Variants in PPP6C observed in about 807,000 individuals in gnomAD.
PPP6C encodes the protein serine/threonine-protein phosphatase 6 catalytic subunit.
Under a neutral mutation model 39.8 loss-of-function variants are expected in PPP6C, and 11 were observed. The observed-to-expected ratio is 0.28, with a 90% CI of 0.17 to 0.46. The LOEUF (loss-of-function observed/expected upper bound fraction) is 0.46. Ranked by LOEUF, PPP6C falls within the 20% of genes least tolerant of loss-of-function variation. PPP6C has a pLI of 1.00. For synonymous variants in PPP6C, 129 were observed against 130.3 expected (o/e 0.99, Z 0.07); for missense variants, 211 against 373.9 (o/e 0.56, Z 3.59).
intron 2 of PPP6C, among the ~76,000 whole-genome samples, chr9:125,161,867 C>T (rs1371991993): frequency 1.3e-5 from 2 of 152,076 alleles, no homozygotes; most frequent in East Asian, 1.9e-4. Context: ...GGAAGAAAAA[C>T]GATTTTGGAT....
chr9:125,188,822 A>AATTT (rs1829591785), intron 1 of PPP6C: 2 of 475,872 alleles, frequency 4.2e-6, no homozygotes, highest in Non-Finnish European at 6.6e-6. Flanking sequence ...AATAATAATT[A>AATTT]AAAAGTTTTA....
At chr9:125,163,264 ACTATAC>A (rs1406759887) in intron 2 of PPP6C, among the ~76,000 whole-genome samples, 1 of 152,200 alleles carries the variant, frequency 6.6e-6, no homozygotes, top group African/African-American at 2.4e-5. Flanking sequence ...GGAATACAAA[ACTATAC>A]CTATAACTAC....
At chr9:125,174,691 T>C (rs868190015) in intron 1 of PPP6C, among the ~76,000 whole-genome samples, 1 of 149,158 alleles carries the variant, frequency 6.7e-6, no homozygotes, top group African/African-American at 2.5e-5. Flanking sequence ...AGGTGGATCA[T>C]TTGAGGTCAG....
chr9:125,149,302 T>C lies in PPP6C; in HGVS notation c.*371A>G. ...AACTTACCAAACTAAAACAAAAGGC[T>C]GAATGATACAAAAGGAGGAGTATTT... On this transcript the variant is annotated 3_prime_UTR_variant, in exon 7 of 7. Transcript: ENST00000373547. 6.0e-6 allele frequency: 1 copy of C among 167,316 alleles called. No homozygotes were observed. Among genetic ancestry groups the C allele is most frequent in the Admixed American group, 6.1e-5 (1 of 16,278 alleles). The allele number at this position is 167,316 out of a possible 1,614,324, so 10.4% of individuals were successfully genotyped here. A position where few individuals can be genotyped will look rare whatever the true frequency, so the allele number is the denominator to read the frequency against.
Position 125,149,482 on chromosome 9 carries a change from T to G in PPP6C, c.*191A>C, listed in dbSNP as rs1835886556. The G allele has an allele frequency of 7.6e-6, 5 of 656,732 alleles. No individual in the cohort carries two copies. The Admixed American group carries it at 1.4e-4, about 19-fold the overall frequency. 40.7% of individuals were successfully genotyped at this position (656,732 alleles called of 1,614,324 possible). On this transcript the variant is annotated 3_prime_UTR_variant, in exon 7 of 7. Transcript: ENST00000373547. ...GGGTGGGGATGGGATGGGGGAAAAT[T>G]GATAGAAAAACTTTGCTATAGACAC... is the stretch of plus-strand genomic sequence containing the variant.
At chr9:125,164,076 G>A (rs1405970181) in intron 2 of PPP6C, among the ~76,000 whole-genome samples, 1 of 151,934 alleles carries the variant, frequency 6.6e-6, no homozygotes, top group East Asian at 1.9e-4. Context: ...GACCTCAGGT[G>A]ATCCACCCGC....
intron 1 of PPP6C, among the ~76,000 whole-genome samples, chr9:125,182,717 T>C (rs1156695923): frequency 6.7e-6 from 1 of 149,332 alleles, no homozygotes; most frequent in African/African-American, 2.5e-5. Flanking sequence ...TGCTGTCTTG[T>C]GGATGTTTAG....
chr9:125,155,212 C>G (rs564980466), intron 4 of PPP6C, among the ~76,000 whole-genome samples: 2 of 152,036 alleles, frequency 1.3e-5, no homozygotes, highest in Admixed American at 6.6e-5. Flanking sequence ...TGACTGTCTA[C>G]ATAGTTAATA....
chr9:125,182,368 G>A (rs552837069), intron 1 of PPP6C, among the ~76,000 whole-genome samples: 1 of 152,288 alleles, frequency 6.6e-6, no homozygotes, highest in South Asian at 2.1e-4. Flanking sequence ...ACTGCCAGGT[G>A]TGGTGGCTCA....
intron 3 of PPP6C, among the ~76,000 whole-genome samples, 174 bp downstream of exon 3, chr9:125,160,667 T>C (rs755260146): frequency 1.1e-4 from 17 of 152,328 alleles, no homozygotes; most frequent in Non-Finnish European, 2.2e-4. Context: ...CTTTTGTAAA[T>C]TGCCCAGTCT....
Position 125,159,513 on chromosome 9 carries a change from A to AT in PPP6C, c.238-1132dup, listed in dbSNP as rs1456814389. 8.5e-5 allele frequency among the ~76,000 whole-genome samples: 13 copies of AT among 152,060 alleles called. No individual in the cohort carries two copies. The East Asian group carries it at 2.3e-3, about 27-fold the overall frequency. ...TGTACCACCATGCCCAGGTAAAATAATTTTTTATTTTAAGAATCATTTTAA... is the reference window on the plus strand; with the variant it reads ...TGTACCACCATGCCCAGGTAAAATAATTTTTTTATTTTAAGAATCATTTTAA... On this transcript the variant is annotated intron_variant, in intron 3 of 6. Transcript: ENST00000373547.
intron 1 of PPP6C, among the ~76,000 whole-genome samples, chr9:125,179,215 C>CAAAAAAAAAAAAAAAAAAAAAAAA: frequency 7.8e-6 from 1 of 127,408 alleles, no homozygotes; most frequent in Non-Finnish European, 1.6e-5. Flanking sequence ...AACTCCATCT[C>CAAAAAAAAAAAAAAAAAAAAAAAA]AAAAAAAAAA....
In PPP6C at chr9:125,148,439, C is replaced by T. The variant is rs1408836009; in HGVS notation, c.*1234G>A. 1 of 152,134 alleles carries T rather than the reference C, an allele frequency of 6.6e-6. No homozygotes were observed. Among genetic ancestry groups the T allele is most frequent in the African/African-American group, 2.4e-5 (1 of 41,422 alleles). 9.4% of individuals were successfully genotyped at this position (152,134 alleles called of 1,614,324 possible). ...ATATTCAGAACTGATCATCACAACC[C>T]TTTGGATATTCAAATTACTTACACA... On this transcript the variant is annotated 3_prime_UTR_variant, in exon 7 of 7. Coordinates refer to ENST00000373547, the MANE Select transcript of PPP6C (RefSeq NM_002721.5).
intron 4 of PPP6C, among the ~76,000 whole-genome samples, chr9:125,156,253 GAAGAGT>G (rs1265548981): frequency 6.6e-6 from 1 of 152,138 alleles, no homozygotes; most frequent in Non-Finnish European, 1.5e-5. Flanking sequence ...CAGACAAACT[GAAGAGT>G]AAGAGAGTTC....
chr9:125,177,725 C>T (rs190640331), intron 1 of PPP6C, among the ~76,000 whole-genome samples: 40 of 152,240 alleles, frequency 2.6e-4, no homozygotes, highest in Non-Finnish European at 4.9e-4. Flanking sequence ...GTCACTCCTA[C>T]TGCACATTCT....
intron 1 of PPP6C, among the ~76,000 whole-genome samples, chr9:125,183,568 A>C (rs1829462760): frequency 6.6e-6 from 1 of 152,254 alleles, no homozygotes; most frequent in Non-Finnish European, 1.5e-5. Flanking sequence ...ATAACAATCT[A>C]AGTTTAACAG....
chr9:125,172,409 G>A (rs1270346508), intron 1 of PPP6C, among the ~76,000 whole-genome samples: 1 of 152,056 alleles, frequency 6.6e-6, no homozygotes, highest in East Asian at 1.9e-4. Flanking sequence ...GTTTCACCAT[G>A]TTGGTCAGGC....
chr9:125,174,217 A>C (rs12003517), intron 1 of PPP6C, among the ~76,000 whole-genome samples: 2,064 of 152,324 alleles, frequency 0.014, 36 homozygotes, highest in African/African-American at 0.045. Context: ...TAATTAAGGA[A>C]TCTAAATGCT....
intron 4 of PPP6C, among the ~76,000 whole-genome samples, chr9:125,154,815 C>T (rs904013614): frequency 1.3e-5 from 2 of 152,200 alleles, no homozygotes; most frequent in African/African-American, 4.8e-5. Context: ...AACACTTGAG[C>T]TTCAGTGGAT....
Sources: allele counts gnomAD v4.1 joint callset (sites outside exome capture counted in the v4.1 genomes callset), GRCh38; gene constraint gnomAD v4.1.1; transcripts MANE v1.5; gene names NCBI Gene and HGNC (gene_info 2026-07-23, HGNC 2026-07-21).